EPS15L1: variants seen among roughly 807,000 people sequenced by gnomAD.
The protein encoded by EPS15L1 is epidermal growth factor receptor substrate 15-like 1.
In EPS15L1, 43 loss-of-function variants were observed where a neutral mutation model predicts 117.1. The ratio of observed to expected loss-of-function variants is 0.37; its 90% confidence interval spans 0.29 to 0.47. The LOEUF is 0.47. EPS15L1 is among the 20% of genes least tolerant of loss of function. The pLI is 0.99. For missense variants in EPS15L1, 981 were observed against 1,164.0 expected (o/e 0.84, Z 2.29); for synonymous variants, 459 against 470.5 (o/e 0.98, Z 0.32).
chr19:16,448,134 T>A (rs1283084398), intron 1 of EPS15L1, among the ~76,000 whole-genome samples: 1 of 152,134 alleles, frequency 6.6e-6, no homozygotes, highest in African/African-American at 2.4e-5. Flanking sequence ...TAAAACATAA[T>A]CCTCAGGATC....
At chr19:16,434,317 A>G (rs1455973705) in intron 7 of EPS15L1, 48 bp downstream of exon 7, 1 of 1,594,308 alleles carries the variant, frequency 6.3e-7, no homozygotes, top group African/African-American at 1.4e-5. Context: ...GCGCCCACAC[A>G]CAGCAGGGAC....
chr19:16,374,843 G>A (rs1009312587), intron 22 of EPS15L1, among the ~76,000 whole-genome samples: 8 of 152,220 alleles, frequency 5.3e-5, no homozygotes, highest in Non-Finnish European at 7.3e-5. Flanking sequence ...GTGCATGCCC[G>A]GGTGTGTATG....
At chr19:16,400,850 A>G in intron 16 of EPS15L1, 1 of 985,440 alleles carries the variant, frequency 1.0e-6, no homozygotes, top group Non-Finnish European at 1.2e-6. Flanking sequence ...CTGCCACTTC[A>G]CTGCCAACTT....
chr19:16,414,691 G>A (rs1427800877), intron 12 of EPS15L1, among the ~76,000 whole-genome samples: 1 of 148,834 alleles, frequency 6.7e-6, no homozygotes, highest in Non-Finnish European at 1.5e-5. Flanking sequence ...GAGCCAACAC[G>A]CCTGGCCTTT....
intron 22 of EPS15L1, among the ~76,000 whole-genome samples, chr19:16,373,585 G>A (rs1175315253): frequency 2.0e-5 from 3 of 151,994 alleles, no homozygotes; most frequent in Admixed American, 2.0e-4. Context: ...AACTTTCTGA[G>A]CACGACTTCA....
intron 1 of EPS15L1, among the ~76,000 whole-genome samples, chr19:16,455,117 GA>G (rs2093182269): frequency 6.6e-6 from 1 of 150,822 alleles, no homozygotes; most frequent in African/African-American, 2.4e-5. Flanking sequence ...CAACAAGAGC[GA>G]AACTCCATCT....
At chr19:16,426,201 T>TG (rs1355017815) in intron 8 of EPS15L1, among the ~76,000 whole-genome samples, 1 of 152,162 alleles carries the variant, frequency 6.6e-6, no homozygotes, top group Admixed American at 6.5e-5. Flanking sequence ...TTCCCCCAGG[T>TG]GGGAGGCCCA....
At chr19:16,453,192 T>A (rs944982159) in intron 1 of EPS15L1, among the ~76,000 whole-genome samples, 1 of 152,126 alleles carries the variant, frequency 6.6e-6, no homozygotes, top group Non-Finnish European at 1.5e-5. Context: ...CTCAACCTCC[T>A]GGACTTAAGG....
chr19:16,375,466 ATGTGTGTG>A (rs3082716), intron 22 of EPS15L1, among the ~76,000 whole-genome samples: 55 of 149,412 alleles, frequency 3.7e-4, no homozygotes, highest in South Asian at 3.6e-3. Context: ...TTATGCATAT[ATGTGTGTG>A]TGTGTGTGTG....
In EPS15L1 at chr19:16,429,366, G is replaced by C. The variant is rs144659206; in HGVS notation, c.499-605C>G. Among the ~76,000 whole-genome samples, 948 of 152,268 alleles carry C rather than the reference G, an allele frequency of 6.2e-3. 8 individuals carry two copies. The highest frequency in any genetic ancestry group is 0.022 in the African/African-American group (901 of 41,556). ...CTTCCTGACCCATGCCAGCCTTCCTGGATGGGCACACTGCCTGCCAGGCCA... is the reference window on the plus strand; with the variant it reads ...CTTCCTGACCCATGCCAGCCTTCCTCGATGGGCACACTGCCTGCCAGGCCA... On this transcript the variant is annotated intron_variant, in intron 7 of 23. Coordinates refer to ENST00000455140, the MANE Select transcript of EPS15L1 (RefSeq NM_001258374.3).
At position 16,381,934 on chromosome 19, in the gene EPS15L1, A is replaced by G. The variant is rs541078845; in HGVS notation, c.2247+3195T>C. Among the ~76,000 whole-genome samples, 7 of 152,328 alleles carry G rather than the reference A, an allele frequency of 4.6e-5. No individual in the cohort carries two copies. The highest frequency in any genetic ancestry group is 6.8e-3 in the Middle Eastern group (2 of 294). ...CTGGGCATGTGCTGGCTTCTGGGCC[A>G]CATCTCCAGACTCGGAGTGGGGCCT... On this transcript the variant is annotated intron_variant, in intron 21 of 23. Coordinates refer to ENST00000455140, the MANE Select transcript of EPS15L1 (RefSeq NM_001258374.3). The surrounding 1 kb of genome is among the most constrained non-coding windows in gnomAD (Gnocchi z 4.2).
chr19:16,448,954 A>G (rs2093113778), intron 1 of EPS15L1, among the ~76,000 whole-genome samples: 1 of 152,134 alleles, frequency 6.6e-6, no homozygotes, highest in South Asian at 2.1e-4. Context: ...CAAATTCAAC[A>G]GCATAAAAAA....
At chr19:16,364,770 C>T (rs2092110527) in intron 22 of EPS15L1, among the ~76,000 whole-genome samples, 2 of 152,160 alleles carry the variant, frequency 1.3e-5, no homozygotes, top group South Asian at 4.1e-4. Flanking sequence ...GAAGGGGCTC[C>T]CTAGGGCTCC....
intron 1 of EPS15L1, among the ~76,000 whole-genome samples, chr19:16,448,547 A>G (rs1257713349): frequency 2.4e-4 from 29 of 119,394 alleles, no homozygotes; most frequent in Middle Eastern, 4.8e-3. Flanking sequence ...TTAAAAAAAA[A>G]GGGGGGGGGA....
chr19:16,442,023 T>C, intron 2 of EPS15L1, 42 bp from the exon 3 acceptor site: 1 of 1,571,194 alleles, frequency 6.4e-7, no homozygotes, highest in Non-Finnish European at 8.7e-7. Flanking sequence ...TTTCAGCAAA[T>C]GCAGCAGCAG....
intron 1 of EPS15L1, among the ~76,000 whole-genome samples, chr19:16,468,112 G>C (rs1463989744): frequency 2.6e-5 from 4 of 152,126 alleles, no homozygotes; most frequent in African/African-American, 9.7e-5. Context: ...ACCCACGGAA[G>C]GTACAAGGGA....
chr19:16,450,432 TGTCTGG>T (rs2093128615), intron 1 of EPS15L1, among the ~76,000 whole-genome samples: 1 of 151,648 alleles, frequency 6.6e-6, no homozygotes. Flanking sequence ...CCCTGAGTTC[TGTCTGG>T]GCTGGACGGA....
intron 9 of EPS15L1, among the ~76,000 whole-genome samples, chr19:16,423,184 G>A (rs1467229115): frequency 6.6e-6 from 1 of 152,168 alleles, no homozygotes; most frequent in Non-Finnish European, 1.5e-5. Context: ...GGGATACCAT[G>A]TGACCCAGAT....
At chr19:16,434,201 G>A (rs1339070603) in intron 7 of EPS15L1, among the ~76,000 whole-genome samples, 164 bp downstream of exon 7, 1 of 152,308 alleles carries the variant, frequency 6.6e-6, no homozygotes, top group African/African-American at 2.4e-5. Context: ...AGGAAGCCCT[G>A]AGCCAGCTGG....
Sources: gnomAD v4.1 joint callset for allele counts (sites outside exome capture counted in the v4.1 genomes callset) on GRCh38, gnomAD v4.1.1 for gene constraint, Gnocchi (gnomAD v3.1) non-coding constraint, MANE v1.5 for transcripts, NCBI Gene and HGNC (gene_info 2026-07-23, HGNC 2026-07-21) for gene names.